The following IPP variants were observed in gnomAD, a reference collection of about 807,000 sequenced individuals.
The protein encoded by IPP is actin-binding protein IPP.
Under a neutral mutation model 64.1 loss-of-function variants are expected in IPP, and 41 were observed. That is an observed-to-expected ratio of 0.64 (90% CI 0.50 to 0.83). The LOEUF (loss-of-function observed/expected upper bound fraction) is 0.83, where lower values mean the gene tolerates loss of function less well. Among genes scored for constraint, IPP ranks in the 40% least tolerant of loss-of-function variants. The pLI, the probability that IPP is intolerant of heterozygous loss-of-function variation, is 0.00. For missense variants in IPP, 649 were observed against 703.0 expected, an observed-to-expected ratio of 0.92 and a Z score of 0.87; for synonymous variants, 214 against 235.2, an observed-to-expected ratio of 0.91 and a Z score of 0.83.
Position 45,714,111 on chromosome 1 carries a change from C to T in IPP, c.1530+135G>A, listed in dbSNP as rs990042481. 2.7e-5 allele frequency: 16 copies of T among 590,974 alleles called. No individual in the cohort carries two copies. In the African/African-American group the frequency reaches 3.0e-4, roughly 11 times the overall value. The allele number at this position is 590,974 out of a possible 1,614,324, so 36.6% of individuals were successfully genotyped here. A position where few individuals can be genotyped will look rare whatever the true frequency, so the allele number is the denominator to read the frequency against. ...AGAAAAGCAGTGACACCAAAAGTTT[C>T]TTCTTTGGAAAGAAAAAAGGGGAAA... is the stretch of plus-strand genomic sequence containing the variant. On this transcript the variant is annotated intron_variant, in intron 8 of 8. Transcript: ENST00000396478.
At chr1:45,731,861 G>A (rs919725815) in intron 3 of IPP, among the ~76,000 whole-genome samples, 4 of 151,410 alleles carry the variant, frequency 2.6e-5, no homozygotes, top group South Asian at 4.2e-4. Flanking sequence ...GCTTGAACCC[G>A]GGAGGCAAAG....
Position 45,719,193 on chromosome 1 carries a change from A to G in IPP, c.1186+10T>C, listed in dbSNP as rs978418056. The G allele has an allele frequency of 6.2e-7, 1 of 1,613,822 alleles. No individual in the cohort carries two copies. Among genetic ancestry groups the G allele is most frequent in the African/African-American group, 1.3e-5 (1 of 75,032 alleles). ...ATATTAGCTATCTTTAAACTGAACA[A>G]CATAATTACCCAAAGCATAGATAGC... is the stretch of plus-strand genomic sequence containing the variant. On this transcript the variant is annotated intron_variant, in intron 6 of 8. Coordinates refer to ENST00000396478, the MANE Select transcript of IPP (RefSeq NM_005897.3).
chr1:45,736,582 T>C (rs1047468508), intron 3 of IPP, among the ~76,000 whole-genome samples: 1 of 152,100 alleles, frequency 6.6e-6, no homozygotes, highest in African/African-American at 2.4e-5. Flanking sequence ...AATATTATGG[T>C]TGCCTTAAAA....
chr1:45,694,460 G>A, downstream of IPP: 2 of 1,543,662 alleles, frequency 1.3e-6, no homozygotes, highest in Non-Finnish European at 8.8e-7. Flanking sequence ...TGTGATCATT[G>A]AAAAGAATGC....
Position 45,700,184 on chromosome 1 carries a change from A to G in IPP, c.1537T>C (p.Trp513Arg), listed in dbSNP as rs1228384618. ...ACTTTCATTGAGGCAACTTCAACCC[A>G]CTTTTCCTGGTTAAGAGAGAAAAAA... is the stretch of plus-strand genomic sequence containing the variant. ...VEKYSFEEEKWVEVASMKVPR... is the reference protein window; with the variant it reads ...VEKYSFEEEKRVEVASMKVPR... Residue 513 changes from tryptophan (W) to arginine (R), a missense_variant, in exon 9 of 9, where the codon TGG becomes CGG. Transcript: ENST00000396478. The G allele has an allele frequency of 1.9e-6, 3 of 1,607,578 alleles. No individual in the cohort carries two copies. In the African/African-American group the frequency reaches 4.1e-5, roughly 22 times the overall value.
intron 8 of IPP, among the ~76,000 whole-genome samples, chr1:45,713,248 C>T (rs569191302): frequency 6.6e-6 from 1 of 151,768 alleles, no homozygotes; most frequent in East Asian, 1.9e-4. Context: ...GGTTACATAG[C>T]GAGACCCTAA....
intron 5 of IPP, among the ~76,000 whole-genome samples, chr1:45,721,249 A>G (rs1025734932): frequency 1.3e-5 from 2 of 152,216 alleles, no homozygotes; most frequent in African/African-American, 4.8e-5. Context: ...CCCTCCACTG[A>G]TACAAAATTT....
intron 3 of IPP, among the ~76,000 whole-genome samples, chr1:45,733,450 T>C (rs1429333904): frequency 1.4e-5 from 2 of 142,334 alleles, no homozygotes; most frequent in Non-Finnish European, 3.0e-5. Flanking sequence ...AATAAATAAA[T>C]AAATAAATAA....
chr1:45,703,931 C>G (rs190728968), intron 8 of IPP, among the ~76,000 whole-genome samples: 1 of 152,298 alleles, frequency 6.6e-6, no homozygotes, highest in Non-Finnish European at 1.5e-5. Context: ...CTGATCCATA[C>G]TTACATACTA....
intron 8 of IPP, among the ~76,000 whole-genome samples, chr1:45,705,103 T>C (rs1645499493): frequency 6.6e-6 from 1 of 152,260 alleles, no homozygotes; most frequent in Non-Finnish European, 1.5e-5. Context: ...TAAGGTTGTT[T>C]TCTTCTACCA....
intron 3 of IPP, among the ~76,000 whole-genome samples, chr1:45,735,466 CTTTTTTTT>C (rs756979985): frequency 2.8e-3 from 163 of 57,968 alleles, no homozygotes; most frequent in Non-Finnish European, 3.6e-3. Context: ...TTTAATTTTG[CTTTTTTTT>C]TTTTTTTTTT....
intron 5 of IPP, among the ~76,000 whole-genome samples, chr1:45,725,355 G>A (rs1156771253): frequency 1.9e-4 from 28 of 144,192 alleles, no homozygotes; most frequent in South Asian, 1.8e-3. Context: ...TCAGCCCCCC[G>A]CCCGGCCAGC....
intron 8 of IPP, among the ~76,000 whole-genome samples, chr1:45,707,566 A>G (rs1325849710): frequency 6.6e-6 from 1 of 152,122 alleles, no homozygotes. Flanking sequence ...TACAATATCT[A>G]AAATGAAAAA....
chr1:45,741,623 CTTTTTTTTT>C lies in IPP; in HGVS notation c.293-300_293-292del, dbSNP rs57797396. Among the ~76,000 whole-genome samples the C allele has an allele frequency of 9.5e-4, 91 of 96,140 alleles. 5 individuals are homozygous for C. The highest frequency in any genetic ancestry group is 3.3e-3 in the African/African-American group (86 of 25,926). The allele number at this position is 96,140 out of a possible 152,430, so 63.1% of individuals were successfully genotyped here. A position where few individuals can be genotyped will look rare whatever the true frequency, so the allele number is the denominator to read the frequency against. ...TAGATATTATTATTTTTCTTATTTT[CTTTTTTTTT>C]TTTTTTTTTTTTTTGAGACGGAGTC... On this transcript the variant is annotated intron_variant, in intron 2 of 8. Coordinates refer to ENST00000396478, the MANE Select transcript of IPP (RefSeq NM_005897.3).
chr1:45,697,404 C>G (rs1645396131), downstream of IPP: 1 of 152,180 alleles, frequency 6.6e-6, no homozygotes, highest in Admixed American at 6.6e-5. Flanking sequence ...GCATGTACCA[C>G]CACCTGCTGC....
chr1:45,701,487 G>A (rs903953996), intron 8 of IPP, among the ~76,000 whole-genome samples: 5 of 152,086 alleles, frequency 3.3e-5, no homozygotes, highest in East Asian at 3.9e-4. Context: ...CAGTTTCACC[G>A]TGTTGGCCAG....
intron 3 of IPP, among the ~76,000 whole-genome samples, chr1:45,737,777 T>C (rs1430609085): frequency 2.6e-5 from 4 of 152,108 alleles, no homozygotes; most frequent in African/African-American, 4.8e-5. Context: ...ACACAGTTCT[T>C]AAGTTTTACA....
chr1:45,715,335 A>G (rs1645643512), intron 7 of IPP, among the ~76,000 whole-genome samples: 1 of 152,104 alleles, frequency 6.6e-6, no homozygotes, highest in Non-Finnish European at 1.5e-5. Flanking sequence ...GTTACAAAGA[A>G]TTATATTTTA....
chr1:45,708,759 C>T (rs896358239), intron 8 of IPP, among the ~76,000 whole-genome samples: 5 of 150,260 alleles, frequency 3.3e-5, no homozygotes, highest in East Asian at 2.0e-4. Flanking sequence ...AGTCTGAACG[C>T]GGTGGCTCAT....
Sources: allele counts gnomAD v4.1 joint callset (sites outside exome capture counted in the v4.1 genomes callset), GRCh38; gene constraint gnomAD v4.1.1; transcripts MANE v1.5; gene names NCBI Gene and HGNC (gene_info 2026-07-23, HGNC 2026-07-21).